FUZ: variants seen among roughly 807,000 people sequenced by gnomAD.
The protein encoded by FUZ is fuzzy planar cell polarity protein.
Under a neutral mutation model 43.1 loss-of-function variants are expected in FUZ, and 31 were observed. The ratio of observed to expected loss-of-function variants is 0.72; its 90% confidence interval spans 0.54 to 0.97. FUZ has a LOEUF of 0.97. Ranked by LOEUF, FUZ falls within the 50% of genes least tolerant of loss-of-function variation. The pLI is 0.00. For missense variants in FUZ, 539 were observed against 543.8 expected, an observed-to-expected ratio of 0.99 and a Z score of 0.09; for synonymous variants, 274 against 250.0, an observed-to-expected ratio of 1.10 and a Z score of -0.91.
In FUZ at chr19:49,806,943, G is replaced by C. The variant is rs762816741; in HGVS notation, c.*208C>G. 11 of 1,534,002 alleles carry C rather than the reference G, an allele frequency of 7.2e-6. No individual in the cohort carries two copies. The South Asian group carries it at 1.2e-4, about 17-fold the overall frequency. On this transcript the variant is annotated 3_prime_UTR_variant, in exon 11 of 11. Coordinates refer to ENST00000313777, the MANE Select transcript of FUZ (RefSeq NM_025129.5). ...CATCTGCTGCTGTTTACATTCTGGG[G>C]GGTTAGGGGGAGTCCCCCTCCCTCC...
rs549923463 is a variant in FUZ at position 49,809,730 on chromosome 19, T to C, written c.493-155A>G. The C allele has an allele frequency of 5.8e-5, 41 of 706,450 alleles. No homozygotes were observed. The highest frequency in any genetic ancestry group is 9.5e-5 in the Non-Finnish European group (39 of 410,276). 43.8% of individuals were successfully genotyped at this position (706,450 alleles called of 1,614,324 possible). A position where few individuals can be genotyped will look rare whatever the true frequency, so the allele number is the denominator to read the frequency against. On this transcript the variant is annotated intron_variant, in intron 5 of 10. Coordinates refer to ENST00000313777, the MANE Select transcript of FUZ (RefSeq NM_025129.5). The surrounding 1 kb of genome is among the most constrained non-coding windows in gnomAD (Gnocchi z 5.1). ...ACGTCTCACCCTCTCTGAGCCTGAG[T>C]TCCTTCACTTTCATACGAAGTCACA...
rs939378944 is a variant in FUZ at position 49,812,241 on chromosome 19, T to C, written c.318+10A>G. 6.2e-7 allele frequency: 1 copy of C among 1,604,288 alleles called. No homozygotes were observed. The highest frequency in any genetic ancestry group is 2.2e-5 in the East Asian group (1 of 44,794). On this transcript the variant is annotated intron_variant, in intron 3 of 10. Coordinates refer to ENST00000313777, the MANE Select transcript of FUZ (RefSeq NM_025129.5). Reference sequence around the variant, plus strand: ...TGGTCTGGGGAGAAAAGAGGACTGGTGAGTCTCACCATGGCTCCAAACACC... The same window carrying C: ...TGGTCTGGGGAGAAAAGAGGACTGGCGAGTCTCACCATGGCTCCAAACACC...
At chr19:49,812,869 A>T in intron 1 of FUZ, 127 bp downstream of exon 1, 3 of 1,357,616 alleles carry the variant, frequency 2.2e-6, no homozygotes, top group Non-Finnish European at 3.1e-6. Flanking sequence ...AACCAGGCTT[A>T]TTGGTCCATT....
chr19:49,808,761 GGGTCCCAACGGCAGACA>G lies in FUZ; in HGVS notation c.832_848del (p.Cys278ProfsTer36). 1 of 1,574,492 alleles carries G rather than the reference GGGTCCCAACGGCAGACA, an allele frequency of 6.4e-7. No homozygotes were observed. Among genetic ancestry groups the G allele is most frequent in the Non-Finnish European group, 8.6e-7 (1 of 1,159,810 alleles). ...GGGGGAAGCCACTGGGCAGCGCCCGGGGTCCCAACGGCAGACAGGCCCGCAACGGGTCCAGCAGTGGC... is the reference window on the plus strand; with the variant it reads ...GGGGGAAGCCACTGGGCAGCGCCCGGGGCCCGCAACGGGTCCAGCAGTGGC... On this transcript the variant is annotated frameshift_variant, in exon 8 of 11. Coordinates refer to ENST00000313777, the MANE Select transcript of FUZ (RefSeq NM_025129.5). LOFTEE classifies it high-confidence loss of function.
chr19:49,810,447 G>A (rs1351821379), intron 5 of FUZ, among the ~76,000 whole-genome samples: 1 of 151,984 alleles, frequency 6.6e-6, no homozygotes, highest in Non-Finnish European at 1.5e-5. Flanking sequence ...GGCTGAGGCG[G>A]GTGGATCACG....
At chr19:49,812,212 T>C in intron 3 of FUZ, 39 bp downstream of exon 3, 1 of 1,452,716 alleles carries the variant, frequency 6.9e-7, no homozygotes, top group Non-Finnish European at 9.6e-7. Flanking sequence ...AGATCTCAGA[T>C]TCCTGGTCTG....
chr19:49,812,342 A>G lies in FUZ; in HGVS notation c.234-7T>C. ...CAGAACAATGAGGGTGATGCTGTGG[A>G]ATGGAAGTGAGAAGAATGAGTCAAG... is the stretch of plus-strand genomic sequence containing the variant. On this transcript the variant is annotated splice_polypyrimidine_tract_variant and splice_region_variant and intron_variant, in intron 2 of 10. Transcript: ENST00000313777. The G allele has an allele frequency of 6.2e-7, 1 of 1,612,880 alleles. No homozygotes were observed. Among genetic ancestry groups the G allele is most frequent in the Non-Finnish European group, 8.5e-7 (1 of 1,178,908 alleles).
Position 49,811,337 on chromosome 19 carries a change from AAG to A in FUZ, c.492+24_492+25del, listed in dbSNP as rs558749502. On this transcript the variant is annotated intron_variant, in intron 5 of 10. Coordinates refer to ENST00000313777, the MANE Select transcript of FUZ (RefSeq NM_025129.5). The stretch of plus-strand genomic sequence containing the variant: ...GAGCCAGGGCCAGCAGAACAGGTGT[AAG>A]AGTTTCCATAGCATCCCCAGTACCT... The A allele has an allele frequency of 3.1e-5, 46 of 1,500,260 alleles. No individual in the cohort carries two copies. The Middle Eastern group carries it at 5.1e-4, about 17-fold the overall frequency. The allele number at this position is 1,500,260 out of a possible 1,614,324, so 92.9% of individuals were successfully genotyped here.
intron 2 of FUZ, 61 bp downstream of exon 2, chr19:49,812,554 T>C: frequency 6.2e-7 from 1 of 1,610,888 alleles, no homozygotes; most frequent in South Asian, 1.1e-5. Context: ...GCCTCCGGGG[T>C]CATCTTCAAC....
chr19:49,807,447 C>G, intron 10 of FUZ, 73 bp from the exon 11 acceptor site: 1 of 1,458,630 alleles, frequency 6.9e-7, no homozygotes. Context: ...ACATCCTGAT[C>G]CCAAGTTCTG....
In FUZ at chr19:49,809,564, G is replaced by C. The variant is rs753972398; in HGVS notation, c.504C>G (p.Ser168=). ...TCGTGCCCGCGGCCTCAGCGAACCC[G>C]GAGAGGGCTTCCTGGGTACGGGAGG... ...PEGSLLQEAL[S]GFAEAAGTTF... Residue 168 remains serine (S), a synonymous_variant, in exon 6 of 11, where the codon TCC becomes TCG. Coordinates refer to ENST00000313777, the MANE Select transcript of FUZ (RefSeq NM_025129.5). This position sits in a 1 kb window ranked among gnomAD's most constrained non-coding sequence, Gnocchi z 5.1. 1 of 1,597,034 alleles carries C rather than the reference G, an allele frequency of 6.3e-7. No individual in the cohort carries two copies. The highest frequency in any genetic ancestry group is 1.3e-5 in the African/African-American group (1 of 74,808).
chr19:49,808,274 T>G, intron 10 of FUZ, 140 bp downstream of exon 10: 1 of 875,718 alleles, frequency 1.1e-6, no homozygotes, highest in Non-Finnish European at 1.8e-6. Context: ...TGCTCAGATC[T>G]CAAGGAAAAC....
At chr19:49,810,238 C>T (rs538106552) in intron 5 of FUZ, among the ~76,000 whole-genome samples, 4 of 152,116 alleles carry the variant, frequency 2.6e-5, no homozygotes, top group East Asian at 3.9e-4. Context: ...TTCTGGTGGC[C>T]GGGTGTGATG....
chr19:49,808,654 G>T lies in FUZ; in HGVS notation c.894-16C>A. 1 of 1,612,690 alleles carries T rather than the reference G, an allele frequency of 6.2e-7. No individual in the cohort carries two copies. Among genetic ancestry groups the T allele is most frequent in the Non-Finnish European group, 8.5e-7 (1 of 1,179,450 alleles). ...GAGCAGCAGCCTGTGGGAAAGGGAA[G>T]GGAATGTCATGGCTGGGGAAGAGGA... On this transcript the variant is annotated splice_polypyrimidine_tract_variant and intron_variant, in intron 8 of 10. Transcript: ENST00000313777.
chr19:49,807,232 C>A lies in FUZ; in HGVS notation c.1176G>T (p.Leu392=). 1 of 1,612,822 alleles carries A rather than the reference C, an allele frequency of 6.2e-7. No individual in the cohort carries two copies. The highest frequency in any genetic ancestry group is 8.5e-7 in the Non-Finnish European group (1 of 1,179,752). Residue 392 remains leucine, a synonymous_variant, in exon 11 of 11, where the codon CTG becomes CTT. Coordinates refer to ENST00000313777, the MANE Select transcript of FUZ (RefSeq NM_025129.5). ...GGGTGGGACTCTGGGGAGACAGCAG[C>A]AGCAGCAGCCGCCGAAGCCCCAGCT... ...ALQLGLRRLL[L]LLSPQSPTHG...
intron 1 of FUZ, 130 bp from the exon 2 acceptor site, chr19:49,812,866 C>T (rs2073858189): frequency 7.2e-7 from 1 of 1,390,650 alleles, no homozygotes. Context: ...GGGAACCAGG[C>T]TTATTGGTCC....
rs2073409468 is a variant in FUZ at position 49,806,953 on chromosome 19, G to A, written c.*198C>T. The A allele has an allele frequency of 4.6e-6, 7 of 1,533,628 alleles. No homozygotes were observed. The highest frequency in any genetic ancestry group is 6.1e-6 in the Non-Finnish European group (7 of 1,146,694). On this transcript the variant is annotated 3_prime_UTR_variant, in exon 11 of 11. Coordinates refer to ENST00000313777, the MANE Select transcript of FUZ (RefSeq NM_025129.5). ...TGTTTACATTCTGGGGGGTTAGGGG[G>A]AGTCCCCCTCCCTCCCTTTCCCCCC...
chr19:49,809,272 C>T lies in FUZ; in HGVS notation c.691-14G>A, dbSNP rs1014294614. On this transcript the variant is annotated splice_polypyrimidine_tract_variant and intron_variant, in intron 6 of 10. Transcript: ENST00000313777. This position sits in a 1 kb window ranked among gnomAD's most constrained non-coding sequence, Gnocchi z 5.1. ...CCGGTGTGGGACCTGAAGCAGGGCA[C>T]AGGCTGGGGCTCATCGCGGCCCGGC... The T allele has an allele frequency of 6.4e-6, 10 of 1,550,520 alleles. No homozygotes were observed. The Admixed American group carries it at 1.8e-4, about 27-fold the overall frequency.
chr19:49,812,444 A>G, intron 2 of FUZ, 109 bp from the exon 3 acceptor site: 1 of 1,301,458 alleles, frequency 7.7e-7, no homozygotes, highest in Non-Finnish European at 1.1e-6. Flanking sequence ...CTCTCAGACC[A>G]ACCTGCCTTT....
Sources: allele counts gnomAD v4.1 joint callset (sites outside exome capture counted in the v4.1 genomes callset), GRCh38; gene constraint gnomAD v4.1.1; non-coding constraint Gnocchi (gnomAD v3.1); transcripts MANE v1.5; gene names NCBI Gene and HGNC (gene_info 2026-07-23, HGNC 2026-07-21).